The following STAT4 variants were observed in gnomAD, a reference collection of about 807,000 sequenced individuals.
The protein encoded by STAT4 is signal transducer and activator of transcription 4.
In STAT4, 42 loss-of-function variants were observed where a neutral mutation model predicts 110.5. That is an observed-to-expected ratio of 0.38 (90% CI 0.30 to 0.49). The LOEUF (loss-of-function observed/expected upper bound fraction) is 0.49, where lower values mean the gene tolerates loss of function less well. Among genes scored for constraint, STAT4 ranks in the 20% least tolerant of loss-of-function variants. The pLI, the probability that STAT4 is intolerant of heterozygous loss-of-function variation, is 0.95. For synonymous variants in STAT4, 284 were observed against 302.2 expected, an observed-to-expected ratio of 0.94 and a Z score of 0.63; for missense variants, 632 against 887.9, an observed-to-expected ratio of 0.71 and a Z score of 3.66.
Position 191,069,682 on chromosome 2 carries a change from C to T in STAT4, c.544+11G>A. On this transcript the variant is annotated intron_variant, in intron 6 of 23. Transcript: ENST00000392320. ...TCTCTATGCATAATTATAGAAAAAA[C>T]AAAAACTTACCCATTGTCTGAATTG... The T allele has an allele frequency of 1.2e-6, 2 of 1,603,144 alleles. No individual in the cohort carries two copies. The highest frequency in any genetic ancestry group is 1.7e-6 in the Non-Finnish European group (2 of 1,175,818).
At chr2:191,096,139 C>T (rs1194537876) in intron 3 of STAT4, among the ~76,000 whole-genome samples, 1 of 152,054 alleles carries the variant, frequency 6.6e-6, no homozygotes, top group African/African-American at 2.4e-5. Flanking sequence ...AGCCTACCAA[C>T]CAAAAAAAGC....
intron 3 of STAT4, among the ~76,000 whole-genome samples, chr2:191,132,626 TG>T (rs974252499): frequency 6.6e-6 from 1 of 151,764 alleles, no homozygotes. Context: ...CAGGTGGGGA[TG>T]GGAACGAGAA....
rs557732284 is a variant in STAT4, at chr2:191,112,832, G to T, written c.273+33781C>A. 1.3e-3 allele frequency among the ~76,000 whole-genome samples: 193 copies of T among 152,272 alleles called. 2 individuals carry two copies. Among genetic ancestry groups the T allele is most frequent in the African/African-American group, 4.6e-3 (193 of 41,564 alleles). ...GACAAACTACAGAAGGAAAATTCAG[G>T]ATAATTTCTTGAAAGCAATAATTAT... On this transcript the variant is annotated intron_variant, in intron 3 of 23. Coordinates refer to ENST00000392320, the MANE Select transcript of STAT4 (RefSeq NM_003151.4). The surrounding 1 kb of genome is among the most constrained non-coding windows in gnomAD (Gnocchi z 4.3).
At position 191,032,775 on chromosome 2, in the gene STAT4, CG is replaced by C; in HGVS notation, c.2044+182del. On this transcript the variant is annotated intron_variant, in intron 21 of 23. Transcript: ENST00000392320. This position sits in a 1 kb window ranked among gnomAD's most constrained non-coding sequence, Gnocchi z 4.9. ...TACTCGCTAGTGTTAGAAAGCCCAG[CG>C]GTCCCTTTTCAGGAACTGCTGACAT... The C allele has an allele frequency of 1.6e-6, 1 of 610,022 alleles. No homozygotes were observed. Among genetic ancestry groups the C allele is most frequent in the East Asian group, 3.0e-5 (1 of 33,712 alleles). 37.8% of individuals were successfully genotyped at this position (610,022 alleles called of 1,614,324 possible). A position where few individuals can be genotyped will look rare whatever the true frequency, so the allele number is the denominator to read the frequency against.
At chr2:191,106,033 C>A (rs922185042) in intron 3 of STAT4, among the ~76,000 whole-genome samples, 1 of 152,110 alleles carries the variant, frequency 6.6e-6, no homozygotes, top group Non-Finnish European at 1.5e-5. Flanking sequence ...CTTGCGGTGG[C>A]TTTTCTGTTA....
chr2:191,038,247 C>CT (rs781088165), intron 16 of STAT4, among the ~76,000 whole-genome samples: 11 of 152,130 alleles, frequency 7.2e-5, no homozygotes, highest in Non-Finnish European at 1.5e-5. Flanking sequence ...AAGTTCTGCT[C>CT]TTTTTGGGGC....
rs1430665424 is a variant in STAT4, at chr2:191,140,634, C to T, written c.273+5979G>A. The stretch of plus-strand genomic sequence containing the variant: ...GTAGTGAAAAGGGAACACTGTTAGA[C>T]TGCTGATGGGAATGTAAACTAGTAC... On this transcript the variant is annotated intron_variant, in intron 3 of 23. Transcript: ENST00000392320. The surrounding 1 kb of genome is among the most constrained non-coding windows in gnomAD (Gnocchi z 4.4). Among the ~76,000 whole-genome samples, 3 of 152,206 alleles carry T rather than the reference C, an allele frequency of 2.0e-5. No individual in the cohort carries two copies. Among genetic ancestry groups the T allele is most frequent in the Non-Finnish European group, 1.5e-5 (1 of 68,030 alleles).
At chr2:191,125,224 G>A (rs1037978953) in intron 3 of STAT4, among the ~76,000 whole-genome samples, 15 of 152,160 alleles carry the variant, frequency 9.9e-5, no homozygotes, top group Non-Finnish European at 1.5e-4. Context: ...TCTTTCTACT[G>A]AGGCAGAGGT....
At chr2:191,102,584 C>T (rs911397445) in intron 3 of STAT4, among the ~76,000 whole-genome samples, 3 of 152,154 alleles carry the variant, frequency 2.0e-5, no homozygotes, top group African/African-American at 7.2e-5. Context: ...CCCACTTGCA[C>T]TATCTCCAAT....
At position 191,032,872 on chromosome 2, in the gene STAT4, G is replaced by A. The variant is rs1695938645; in HGVS notation, c.2044+86C>T. 7.6e-7 allele frequency: 1 copy of A among 1,317,384 alleles called. No homozygotes were observed. The highest frequency in any genetic ancestry group is 1.5e-5 in the African/African-American group (1 of 66,862). 81.6% of individuals were successfully genotyped at this position (1,317,384 alleles called of 1,614,324 possible). A position where few individuals can be genotyped will look rare whatever the true frequency, so the allele number is the denominator to read the frequency against. On this transcript the variant is annotated intron_variant, in intron 21 of 23. Transcript: ENST00000392320. This position sits in a 1 kb window ranked among gnomAD's most constrained non-coding sequence, Gnocchi z 4.9. ...TACAGAAATCAGAGTAAACAAGAAG[G>A]GGAACTTCATTTACTTTGCTCCAAT...
chr2:191,074,547 A>C (rs898826762), intron 4 of STAT4, among the ~76,000 whole-genome samples: 3 of 152,172 alleles, frequency 2.0e-5, no homozygotes, highest in African/African-American at 7.2e-5. Flanking sequence ...ATTTTGACTG[A>C]TATCTGACAT....
At position 191,033,491 on chromosome 2, in the gene STAT4, A is replaced by G. The variant is rs1242048516; in HGVS notation, c.1851T>C (p.Ser617=). The G allele has an allele frequency of 6.2e-7, 1 of 1,609,082 alleles. No homozygotes were observed. The highest frequency in any genetic ancestry group is 8.5e-7 in the Non-Finnish European group (1 of 1,178,682). Residue 617 remains serine (S), a splice_region_variant and synonymous_variant, in exon 20 of 24, where the codon AGT becomes AGC. Transcript: ENST00000392320. The surrounding 1 kb of genome is among the most constrained non-coding windows in gnomAD (Gnocchi z 6.9). ...ITFTWVDHSE[S]GEVRFHSVEP... ...GAATAAACATTAGTGAGTATATACC[A>G]CTTTCAGAATGGTCCACCCAGGTGA...
At chr2:191,078,245 C>T (rs746109177) in intron 3 of STAT4, among the ~76,000 whole-genome samples, 35 of 152,118 alleles carry the variant, frequency 2.3e-4, no homozygotes, top group Admixed American at 2.0e-3. Flanking sequence ...GCCTGTTTTT[C>T]TCACAGTTGC....
In STAT4 at chr2:191,075,749, T is replaced by C. The variant is rs118013834; in HGVS notation, c.372+478A>G. Among the ~76,000 whole-genome samples the C allele has an allele frequency of 7.9e-3, 1,197 of 151,990 alleles. 15 individuals carry two copies. Among genetic ancestry groups the C allele is most frequent in the Middle Eastern group, 0.038 (11 of 290 alleles). ...CGCAAAGATGATACTAAGACCTTGA[T>C]TGCAAGTGACTGGAAGGATGGTGGC... On this transcript the variant is annotated intron_variant, in intron 4 of 23. Transcript: ENST00000392320.
intron 3 of STAT4, among the ~76,000 whole-genome samples, chr2:191,141,618 T>C (rs535924129): frequency 1.2e-3 from 184 of 147,992 alleles, no homozygotes; most frequent in South Asian, 5.9e-3. Context: ...CACACACATA[T>C]ATATATATAT....
At position 191,110,950 on chromosome 2, in the gene STAT4, A is replaced by C. The variant is rs1698406564; in HGVS notation, c.274-34625T>G. Among the ~76,000 whole-genome samples, 1 of 151,614 alleles carries C rather than the reference A, an allele frequency of 6.6e-6. No homozygotes were observed. Among genetic ancestry groups the C allele is most frequent in the African/African-American group, 2.4e-5 (1 of 41,216 alleles). ...AGGTGGGTGACACCAGGCCCAGCGA[A>C]TTTTTCTGTATTTTTAGTAGAGACA... On this transcript the variant is annotated intron_variant, in intron 3 of 23. Transcript: ENST00000392320. This position sits in a 1 kb window ranked among gnomAD's most constrained non-coding sequence, Gnocchi z 4.5.
chr2:191,041,501 T>C (rs1050709344), intron 14 of STAT4: 4 of 152,656 alleles, frequency 2.6e-5, no homozygotes, highest in African/African-American at 9.6e-5. Flanking sequence ...AATCCATATA[T>C]GCATAGGTAT....
chr2:191,120,434 A>G (rs974250860), intron 3 of STAT4, among the ~76,000 whole-genome samples: 5 of 152,150 alleles, frequency 3.3e-5, no homozygotes, highest in African/African-American at 9.7e-5. Context: ...AAAATAAAAA[A>G]ATTAACCAGG....
chr2:191,089,142 C>T (rs1464287225), intron 3 of STAT4, among the ~76,000 whole-genome samples: 1 of 152,098 alleles, frequency 6.6e-6, no homozygotes, highest in East Asian at 1.9e-4. Context: ...ATGAAAGTCA[C>T]AGGCTAGGAG....
Sources: allele counts gnomAD v4.1 joint callset (sites outside exome capture counted in the v4.1 genomes callset), GRCh38; gene constraint gnomAD v4.1.1; non-coding constraint Gnocchi (gnomAD v3.1); transcripts MANE v1.5; gene names NCBI Gene and HGNC (gene_info 2026-07-23, HGNC 2026-07-21).